The following DOCK5 variants were observed in gnomAD, a reference collection of about 807,000 sequenced individuals.
DOCK5 encodes the protein dedicator of cytokinesis 5.
Under a neutral mutation model 251.8 loss-of-function variants are expected in DOCK5, and 142 were observed. The observed-to-expected ratio is 0.56, with a 90% CI of 0.49 to 0.65. The LOEUF (loss-of-function observed/expected upper bound fraction) is 0.65, where lower values mean the gene tolerates loss of function less well. DOCK5 is among the 30% of genes least tolerant of loss of function. DOCK5 has a pLI of 0.00. For missense variants in DOCK5, 2,111 were observed against 2,312.3 expected (o/e 0.91, Z 1.79); for synonymous variants, 842 against 835.5 (o/e 1.01, Z -0.13).
intron 9 of DOCK5, 92 bp downstream of exon 9, chr8:25,300,749 A>G: frequency 7.5e-7 from 1 of 1,341,496 alleles, no homozygotes; most frequent in Non-Finnish European, 1.0e-6. Flanking sequence ...AAATGAAAAG[A>G]TGAAAGGAAA....
intron 13 of DOCK5, among the ~76,000 whole-genome samples, chr8:25,311,526 A>G (rs1805096242): frequency 7.0e-6 from 1 of 142,234 alleles, no homozygotes; most frequent in Admixed American, 7.0e-5. Context: ...CTGGGCAACA[A>G]GAGCAAAACT....
At position 25,215,932 on chromosome 8, in the gene DOCK5, TACACACACACAC is replaced by T. The variant is rs199685009; in HGVS notation, c.44-27713_44-27702del. Among the ~76,000 whole-genome samples, 685 of 141,262 alleles carry T rather than the reference TACACACACACAC, an allele frequency of 4.8e-3. 4 individuals are homozygous for T. Among genetic ancestry groups the T allele is most frequent in the Admixed American group, 7.5e-3 (104 of 13,954 alleles). The allele number at this position is 141,262 out of a possible 152,430, so 92.7% of individuals were successfully genotyped here. A position where few individuals can be genotyped will look rare whatever the true frequency, so the allele number is the denominator to read the frequency against. ...AATCTTTTCAAATCCTGGAAATAAA[TACACACACACAC>T]ACACACACACACACACACACACACA... On this transcript the variant is annotated intron_variant, in intron 1 of 51. Coordinates refer to ENST00000276440, the MANE Select transcript of DOCK5 (RefSeq NM_024940.8).
At chr8:25,380,190 G>A (rs766259066) in intron 38 of DOCK5, 115 bp from the exon 39 acceptor site, 44 of 844,852 alleles carry the variant, frequency 5.2e-5, no homozygotes, top group Admixed American at 6.9e-5. Flanking sequence ...AATATCTACC[G>A]AAACTCAATC....
chr8:25,271,401 A>C (rs139281458), intron 3 of DOCK5, among the ~76,000 whole-genome samples: 160 of 152,348 alleles, frequency 1.1e-3, no homozygotes, highest in African/African-American at 3.7e-3. Flanking sequence ...CAGGCAAATC[A>C]AATTCAGTTG....
intron 25 of DOCK5, among the ~76,000 whole-genome samples, chr8:25,343,196 G>A (rs1196156470): frequency 1.3e-5 from 2 of 150,974 alleles, no homozygotes; most frequent in Non-Finnish European, 3.0e-5. Flanking sequence ...TTTGGGAGAG[G>A]GGGGGTTTCA....
chr8:25,363,849 C>T (rs929558767), intron 29 of DOCK5, among the ~76,000 whole-genome samples: 4 of 152,234 alleles, frequency 2.6e-5, no homozygotes, highest in Non-Finnish European at 4.4e-5. Flanking sequence ...TCCAGCTATT[C>T]CATAAGGTTC....
intron 9 of DOCK5, among the ~76,000 whole-genome samples, chr8:25,301,206 CAGGTATCCACCAG>C (rs1160888854): frequency 6.6e-6 from 1 of 152,184 alleles, no homozygotes; most frequent in Non-Finnish European, 1.5e-5. Context: ...TCTTTGGTTT[CAGGTATCCACCAG>C]GGGTCTCAGA....
chr8:25,363,073 G>A lies in DOCK5; in HGVS notation c.2976G>A (p.Met992Ile). ...ACTTCCTCATGGAAACTTTTATCATGTTCAAGGACCTGATTGGAAAGAATG... is the reference window on the plus strand; with the variant it reads ...ACTTCCTCATGGAAACTTTTATCATATTCAAGGACCTGATTGGAAAGAATG... ...IIDFLMETFIMFKDLIGKNVY... is the reference protein window; with the variant it reads ...IIDFLMETFIIFKDLIGKNVY... Residue 992 changes from methionine to isoleucine, a missense_variant, in exon 29 of 52, where the codon ATG becomes ATA. This residue lies in a region of DOCK5 where 1,717 missense variants were observed against 1,892.4 expected (regional missense o/e 0.91). Coordinates refer to ENST00000276440, the MANE Select transcript of DOCK5 (RefSeq NM_024940.8). 6.2e-7 allele frequency: 1 copy of A among 1,613,992 alleles called. No homozygotes were observed.
chr8:25,266,094 C>T (rs1430942125), intron 2 of DOCK5, among the ~76,000 whole-genome samples: 1 of 151,958 alleles, frequency 6.6e-6, no homozygotes, highest in South Asian at 2.1e-4. Flanking sequence ...ACTCATTATC[C>T]CCTCACGATT....
At chr8:25,333,394 A>G (rs1186630296) in intron 20 of DOCK5, among the ~76,000 whole-genome samples, 1 of 152,188 alleles carries the variant, frequency 6.6e-6, no homozygotes, top group African/African-American at 2.4e-5. Context: ...TATTAAAGCT[A>G]AGGTTTAAGA....
At chr8:25,280,990 A>T (rs1326874909) in intron 5 of DOCK5, among the ~76,000 whole-genome samples, 79 of 143,792 alleles carry the variant, frequency 5.5e-4, no homozygotes, top group African/African-American at 1.8e-3. Context: ...TTTTTTTTTT[A>T]AAGATGTATG....
rs1436196857 is a variant in DOCK5 at position 25,389,131 on chromosome 8, G to A, written c.4172G>A (p.Arg1391Gln). 4.3e-6 allele frequency: 7 copies of A among 1,613,836 alleles called. No homozygotes were observed. Among genetic ancestry groups the A allele is most frequent in the Admixed American group, 3.3e-5 (2 of 59,998 alleles). The stretch of plus-strand genomic sequence containing the variant: ...TATCGGGGAAAGGAGTATGAGAGGC[G>A]AGAGGACTTCAGCCTGAGGTTGTTA... The part of the protein sequence containing the change: ...FIYRGKEYER[R>Q]EDFSLRLLTQ... Residue 1391 changes from arginine to glutamine, a missense_variant, in exon 41 of 52, where the codon CGA (arginine) becomes CAA (glutamine). By Grantham distance (43) the Arg-to-Gln change is conservative (BLOSUM62 1). Coordinates refer to ENST00000276440, the MANE Select transcript of DOCK5 (RefSeq NM_024940.8).
At chr8:25,384,899 C>T (rs1396686628) in intron 40 of DOCK5, among the ~76,000 whole-genome samples, 1 of 152,132 alleles carries the variant, frequency 6.6e-6, no homozygotes, top group Non-Finnish European at 1.5e-5. Context: ...TGCCACTGCA[C>T]TCCAGCCTGG....
chr8:25,230,014 T>C (rs1215890796), intron 1 of DOCK5, among the ~76,000 whole-genome samples: 1 of 152,166 alleles, frequency 6.6e-6, no homozygotes, highest in East Asian at 1.9e-4. Context: ...AAAACTGCAA[T>C]TGGATCTAGA....
At chr8:25,382,483 CCATT>C (rs1801085241) in intron 39 of DOCK5, among the ~76,000 whole-genome samples, 187 bp from the exon 40 acceptor site, 1 of 152,200 alleles carries the variant, frequency 6.6e-6, no homozygotes, top group Non-Finnish European at 1.5e-5. Flanking sequence ...CTTCCAACGT[CCATT>C]CATGGAGCCC....
chr8:25,292,624 A>C (rs944968800), intron 6 of DOCK5, among the ~76,000 whole-genome samples: 1 of 152,046 alleles, frequency 6.6e-6, no homozygotes, highest in African/African-American at 2.4e-5. Context: ...GGTGGTGCAC[A>C]CCTGTCATCC....
intron 2 of DOCK5, among the ~76,000 whole-genome samples, chr8:25,267,610 C>G (rs563024519): frequency 6.6e-6 from 1 of 152,166 alleles, no homozygotes; most frequent in South Asian, 2.1e-4. Flanking sequence ...ACGTGTATGC[C>G]GTTACTTTCA....
At chr8:25,411,060 TTCACTTTGCA>T in intron 51 of DOCK5, 124 bp from the exon 52 acceptor site, 3 of 1,194,282 alleles carry the variant, frequency 2.5e-6, no homozygotes, top group Non-Finnish European at 3.3e-6. Flanking sequence ...AGTTTTCCAT[TTCACTTTGCA>T]AAGCCTGTGT....
chr8:25,345,091 G>A (rs1800333367), intron 25 of DOCK5, among the ~76,000 whole-genome samples: 1 of 151,556 alleles, frequency 6.6e-6, no homozygotes, highest in Non-Finnish European at 1.5e-5. Context: ...TTCTCCATTA[G>A]GTGAAAAAAT....
Sources: gnomAD v4.1 joint callset for allele counts (sites outside exome capture counted in the v4.1 genomes callset) on GRCh38, gnomAD v4.1.1 for gene constraint, gnomAD v4.1.1 regional missense constraint, MANE v1.5 for transcripts, NCBI Gene and HGNC (gene_info 2026-07-23, HGNC 2026-07-21) for gene names.